Variants in CACNA1C observed in about 807,000 individuals in gnomAD.
CACNA1C encodes the protein voltage-dependent L-type calcium channel subunit alpha-1C.
A neutral mutation model predicts 229.0 loss-of-function variants in CACNA1C; 30 were observed. The observed-to-expected ratio is 0.13, with a 90% CI of 0.10 to 0.18. CACNA1C has a LOEUF of 0.18. Among genes scored for constraint, CACNA1C ranks in the 10% least tolerant of loss-of-function variants. The pLI is 1.00. For missense variants in CACNA1C, 1,658 were observed against 2,845.0 expected, an observed-to-expected ratio of 0.58 and a Z score of 9.49; for synonymous variants, 1,114 against 1,132.5, an observed-to-expected ratio of 0.98 and a Z score of 0.33.
intron 3 of CACNA1C, among the ~76,000 whole-genome samples, chr12:2,224,070 T>C (rs138506333): frequency 3.0e-4 from 45 of 152,324 alleles, no homozygotes; most frequent in African/African-American, 8.7e-4. Flanking sequence ...TAAAGACCTG[T>C]AAACACTCTG....
At chr12:2,252,459 G>A (rs896836045) in intron 3 of CACNA1C, among the ~76,000 whole-genome samples, 2 of 152,206 alleles carry the variant, frequency 1.3e-5, no homozygotes, top group Non-Finnish European at 2.9e-5. Context: ...AACGTGCTGA[G>A]TGGAAGGTGG....
intron 9 of CACNA1C, among the ~76,000 whole-genome samples, chr12:2,525,507 T>A (rs2099817060): frequency 6.6e-6 from 1 of 152,192 alleles, no homozygotes; most frequent in Admixed American, 6.5e-5. Flanking sequence ...TCCTGCCTGC[T>A]CCTTGGTGGG....
At chr12:2,404,293 A>C (rs2098711628) in intron 3 of CACNA1C, among the ~76,000 whole-genome samples, 2 of 151,940 alleles carry the variant, frequency 1.3e-5, no homozygotes, top group South Asian at 4.2e-4. Context: ...AAGAGCGCTC[A>C]TGGGGGCAGC....
At chr12:2,288,565 C>T (rs1360828262) in intron 3 of CACNA1C, 1 of 152,302 alleles carries the variant, frequency 6.6e-6, no homozygotes, top group African/African-American at 2.4e-5. Context: ...TGAGGAGTGG[C>T]CCTTTCCACC....
At chr12:2,306,759 C>T (rs1447524402) in intron 3 of CACNA1C, among the ~76,000 whole-genome samples, 1 of 152,166 alleles carries the variant, frequency 6.6e-6, no homozygotes, top group Non-Finnish European at 1.5e-5. Flanking sequence ...AGTTGATGTG[C>T]CACAGGATTT....
rs2096042441 is a variant in CACNA1C, at chr12:2,665,513, A to AAGGG, written c.4399-67_4399-64dup. Reference sequence around the variant, plus strand: ...CTGCCATCAGTAGGCCCCAGCTGGCAAGGGGGTTCCAGAGGCAGGTGTGTA... The same window carrying AAGGG: ...CTGCCATCAGTAGGCCCCAGCTGGCAAGGGAGGGGGTTCCAGAGGCAGGTGTGTA... On this transcript the variant is annotated intron_variant, in intron 35 of 46. Transcript: ENST00000399655. The surrounding 1 kb of genome is among the most constrained non-coding windows in gnomAD (Gnocchi z 5.9). 6.3e-7 allele frequency: 1 copy of AAGGG among 1,581,556 alleles called. No homozygotes were observed. Among genetic ancestry groups the AAGGG allele is most frequent in the Admixed American group, 1.7e-5 (1 of 58,976 alleles).
chr12:2,388,275 A>T (rs1309948197), intron 3 of CACNA1C, among the ~76,000 whole-genome samples: 1 of 152,218 alleles, frequency 6.6e-6, no homozygotes, highest in Admixed American at 6.5e-5. Context: ...AGTAGGTCTT[A>T]TGTGTTCCCA....
intron 3 of CACNA1C, among the ~76,000 whole-genome samples, chr12:2,207,836 A>C (rs561620802): frequency 1.5e-5 from 1 of 67,186 alleles, no homozygotes; most frequent in East Asian, 4.5e-4. Context: ...CAAAACAAAC[A>C]AAAAAAACCA....
intron 1 of CACNA1C, among the ~76,000 whole-genome samples, chr12:2,070,695 AC>A (rs1415178408): frequency 6.6e-6 from 1 of 152,194 alleles, no homozygotes; most frequent in African/African-American, 2.4e-5. Context: ...TATTAGTGTT[AC>A]GCAGTTTTAC....
chr12:2,072,676 A>G (rs2061790346), intron 1 of CACNA1C, among the ~76,000 whole-genome samples: 1 of 152,084 alleles, frequency 6.6e-6, no homozygotes, highest in South Asian at 2.1e-4. Flanking sequence ...TATGAGGTAT[A>G]TATCAGATCT....
chr12:2,185,548 T>C (rs924212266), intron 3 of CACNA1C, among the ~76,000 whole-genome samples: 81 of 152,162 alleles, frequency 5.3e-4, no homozygotes, highest in African/African-American at 1.9e-3. Context: ...ATTGGATTTA[T>C]AAAAAGAAGA....
chr12:2,344,202 T>A (rs1217661377), intron 3 of CACNA1C, among the ~76,000 whole-genome samples: 1 of 152,222 alleles, frequency 6.6e-6, no homozygotes, highest in Non-Finnish European at 1.5e-5. Context: ...TAAGGCCGAT[T>A]GCTACTACTG....
In CACNA1C at chr12:2,563,950, G is replaced by A. The variant is rs1600219002; in HGVS notation, c.1509-2472G>A. Reference sequence around the variant, plus strand: ...CAGACCAGTGAGTTCACACAGATGGGGCTTGCTGTTCCACCACCAGCATAA... The same window carrying A: ...CAGACCAGTGAGTTCACACAGATGGAGCTTGCTGTTCCACCACCAGCATAA... On this transcript the variant is annotated intron_variant, in intron 11 of 46. Coordinates refer to ENST00000399655, the MANE Select transcript of CACNA1C (RefSeq NM_000719.7). Among the ~76,000 whole-genome samples, 4 of 152,194 alleles carry A rather than the reference G, an allele frequency of 2.6e-5. No homozygotes were observed. The South Asian group carries it at 6.2e-4, about 24-fold the overall frequency.
At chr12:2,121,028 G>A (rs2086462959) in intron 3 of CACNA1C, among the ~76,000 whole-genome samples, 1 of 152,156 alleles carries the variant, frequency 6.6e-6, no homozygotes, top group Non-Finnish European at 1.5e-5. Flanking sequence ...AGTGGAGAGT[G>A]TGTTTACTTT....
intron 5 of CACNA1C, among the ~76,000 whole-genome samples, chr12:2,466,912 T>C (rs570405910): frequency 6.6e-6 from 1 of 152,234 alleles, no homozygotes; most frequent in East Asian, 1.9e-4. Context: ...TCTCATGTCC[T>C]TGGACTTGGC....
chr12:2,547,512 A>G (rs761009347), intron 9 of CACNA1C: 2 of 779,764 alleles, frequency 2.6e-6, no homozygotes, highest in Middle Eastern at 2.3e-4. Flanking sequence ...TAGTCACTCC[A>G]CAGAAACCCA....
At chr12:2,082,744 T>C (rs2066126202) in intron 1 of CACNA1C, among the ~76,000 whole-genome samples, 1 of 152,186 alleles carries the variant, frequency 6.6e-6, no homozygotes, top group South Asian at 2.1e-4. Flanking sequence ...CTGGACCCTG[T>C]TCTAGTCACA....
rs1193584449 is a variant in CACNA1C at position 2,486,617 on chromosome 12, GTC to G, written c.916+359_916+360del. Among the ~76,000 whole-genome samples, 1 of 152,230 alleles carries G rather than the reference GTC, an allele frequency of 6.6e-6. No homozygotes were observed. Among genetic ancestry groups the G allele is most frequent in the Non-Finnish European group, 1.5e-5 (1 of 68,040 alleles). On this transcript the variant is annotated intron_variant, in intron 6 of 46. Transcript: ENST00000399655. The surrounding 1 kb of genome is among the most constrained non-coding windows in gnomAD (Gnocchi z 4.9). ...AATCAGAGCTGACCTGGGGTCGTCA[GTC>G]TCTGCTCCTTCCATGCTTCAGTGTG...
At position 2,387,265 on chromosome 12, in the gene CACNA1C, A is replaced by G. The variant is rs544179851; in HGVS notation, c.478-61711A>G. On this transcript the variant is annotated intron_variant, in intron 3 of 46. Transcript: ENST00000399655. The stretch of plus-strand genomic sequence containing the variant: ...TTTAGGAGGCCAAGGTGGGTGCATC[A>G]TTTGAGGTCAGGAGTTCGAGACCAG... Among the ~76,000 whole-genome samples, 201 of 152,254 alleles carry G rather than the reference A, an allele frequency of 1.3e-3. 3 individuals carry two copies. Among genetic ancestry groups the G allele is most frequent in the Admixed American group, 0.012 (181 of 15,288 alleles).
Sources: allele counts gnomAD v4.1 joint callset (sites outside exome capture counted in the v4.1 genomes callset), GRCh38; gene constraint gnomAD v4.1.1; non-coding constraint Gnocchi (gnomAD v3.1); transcripts MANE v1.5; gene names NCBI Gene and HGNC (gene_info 2026-07-23, HGNC 2026-07-21).